PLB1: variants seen among roughly 807,000 people sequenced by gnomAD.
PLB1 encodes the protein phospholipase B1, membrane-associated.
Under a neutral mutation model 227.4 loss-of-function variants are expected in PLB1, and 242 were observed. That is an observed-to-expected ratio of 1.06 (90% CI 0.96 to 1.18). The LOEUF (loss-of-function observed/expected upper bound fraction) is 1.18. Among genes scored for constraint, PLB1 ranks in the 50% most tolerant of loss-of-function variants. The probability of loss-of-function intolerance (pLI) is 0.00; values close to 1 mark genes in which losing one functional copy is unlikely to be tolerated. For missense variants in PLB1, 1,858 were observed against 1,816.3 expected (o/e 1.02, Z -0.42); for synonymous variants, 757 against 682.2 (o/e 1.11, Z -1.71).
rs2148322850 is a variant in PLB1, at chr2:28,617,768, C to T, written c.3237C>T (p.Ser1079=). The T allele has an allele frequency of 6.2e-7, 1 of 1,614,048 alleles. No individual in the cohort carries two copies. Among genetic ancestry groups the T allele is most frequent in the Non-Finnish European group, 8.5e-7 (1 of 1,179,924 alleles). Residue 1079 remains serine, a synonymous_variant, in exon 45 of 58, where the codon TCC becomes TCT. Coordinates refer to ENST00000327757, the MANE Select transcript of PLB1 (RefSeq NM_153021.5). ...SDFLCTEWKA[S]NSVPTSVHQL... Reference sequence around the variant, plus strand: ...TCCTGTGTACAGAGTGGAAGGCTTCCAATAGTGTTCCAACCTCTGGTGAGT... The same window carrying T: ...TCCTGTGTACAGAGTGGAAGGCTTCTAATAGTGTTCCAACCTCTGGTGAGT...
At position 28,541,711 on chromosome 2, in the gene PLB1, C is replaced by T. The variant is rs1182511073; in HGVS notation, c.779C>T (p.Ala260Val). Residue 260 changes from alanine (A) to valine (V), a missense_variant, in exon 13 of 58, where the codon GCC becomes GTC. Ala to Val is a moderately conservative substitution (Grantham distance 64, BLOSUM62 0). Coordinates refer to ENST00000327757, the MANE Select transcript of PLB1 (RefSeq NM_153021.5). ...KVVMQWSYQEAWNSLLASSRY... is the reference protein window; with the variant it reads ...KVVMQWSYQEVWNSLLASSRY... The stretch of plus-strand genomic sequence containing the variant: ...CCTCTCTGCTCCCTTCTCCAGGAAG[C>T]CTGGAACAGCCTCCTGGCCTCCAGC... 6.2e-6 allele frequency: 10 copies of T among 1,613,544 alleles called. No individual in the cohort carries two copies. The Admixed American group carries it at 1.3e-4, about 22-fold the overall frequency.
At chr2:28,602,757 G>A in intron 38 of PLB1, 64 bp from the exon 39 acceptor site, 1 of 1,415,474 alleles carries the variant, frequency 7.1e-7, no homozygotes. Flanking sequence ...ATTCCTAGGG[G>A]CCCTGAGACA....
chr2:28,592,443 C>G (rs1682126312), intron 31 of PLB1, among the ~76,000 whole-genome samples: 1 of 151,944 alleles, frequency 6.6e-6, no homozygotes, highest in African/African-American at 2.4e-5. Flanking sequence ...CCTTCTCCCT[C>G]TCTGCACCTC....
chr2:28,624,307 G>A (rs1031305564), intron 49 of PLB1, among the ~76,000 whole-genome samples: 1 of 152,028 alleles, frequency 6.6e-6, no homozygotes, highest in African/African-American at 2.4e-5. Flanking sequence ...ATATAAATGG[G>A]ATCAAAGAGT....
intron 28 of PLB1, 63 bp from the exon 29 acceptor site, chr2:28,589,942 G>T: frequency 6.7e-7 from 1 of 1,503,746 alleles, no homozygotes. Context: ...CCTGACCTGC[G>T]TCCTGAGCTT....
At chr2:28,566,901 C>G in intron 20 of PLB1, 62 bp downstream of exon 20, 1 of 1,590,982 alleles carries the variant, frequency 6.3e-7, no homozygotes, top group South Asian at 1.1e-5. Context: ...CTTCCCGCTC[C>G]CCCTGCAGGT....
intron 1 of PLB1, among the ~76,000 whole-genome samples, chr2:28,503,976 A>G (rs546494787): frequency 6.6e-6 from 1 of 152,302 alleles, no homozygotes; most frequent in Admixed American, 6.5e-5. Context: ...ACCATCGTCT[A>G]TATTGTATGT....
At chr2:28,507,938 C>A (rs565231919) in intron 1 of PLB1, among the ~76,000 whole-genome samples, 2 of 152,288 alleles carry the variant, frequency 1.3e-5, no homozygotes, top group East Asian at 3.9e-4. Flanking sequence ...GAGGTTGTGT[C>A]TACCCAAAGG....
chr2:28,604,115 C>T, intron 40 of PLB1, 68 bp downstream of exon 40: 2 of 1,442,366 alleles, frequency 1.4e-6, no homozygotes, highest in Admixed American at 1.7e-5. Context: ...AGCCCAGAGC[C>T]CCTAGAGGAG....
At chr2:28,619,577 A>T (rs578019998) in intron 46 of PLB1, among the ~76,000 whole-genome samples, 76 of 143,630 alleles carry the variant, frequency 5.3e-4, no homozygotes, top group African/African-American at 2.0e-3. Flanking sequence ...TATAGAGGAG[A>T]TAGGAACTGA....
At position 28,588,391 on chromosome 2, in the gene PLB1, C is replaced by T. The variant is rs924112205; in HGVS notation, c.1816-1059C>T. On this transcript the variant is annotated intron_variant, in intron 26 of 57. Coordinates refer to ENST00000327757, the MANE Select transcript of PLB1 (RefSeq NM_153021.5). ...CACTTCCTTCCCCTCTTCTGAGAGA[C>T]GACCTTCTCTCCTTTCCTCATGCCT... Among the ~76,000 whole-genome samples the T allele has an allele frequency of 1.1e-4, 16 of 152,308 alleles. No individual in the cohort carries two copies. The East Asian group carries it at 1.7e-3, about 17-fold the overall frequency.
chr2:28,639,729 T>C (rs1313452351), intron 56 of PLB1, among the ~76,000 whole-genome samples: 1 of 152,240 alleles, frequency 6.6e-6, no homozygotes, highest in East Asian at 1.9e-4. Context: ...TAGCATTTAT[T>C]CTGTCACTGT....
At chr2:28,576,975 C>T (rs1051694304) in intron 21 of PLB1, among the ~76,000 whole-genome samples, 2 of 152,138 alleles carry the variant, frequency 1.3e-5, no homozygotes, top group Non-Finnish European at 2.9e-5. Context: ...AAGCCCTGTG[C>T]CAGGGACTTT....
chr2:28,578,803 T>C (rs1679433171), intron 22 of PLB1, among the ~76,000 whole-genome samples: 1 of 152,164 alleles, frequency 6.6e-6, no homozygotes, highest in African/African-American at 2.4e-5. Context: ...TCAAAGTCTA[T>C]TATTGGGAGG....
At chr2:28,519,602 C>G in intron 3 of PLB1, 103 bp from the exon 4 acceptor site, 1 of 863,132 alleles carries the variant, frequency 1.2e-6, no homozygotes, top group South Asian at 1.5e-5. Flanking sequence ...CCGCAGCTGT[C>G]CAGGGGCTGG....
intron 56 of PLB1, among the ~76,000 whole-genome samples, chr2:28,635,875 T>C (rs1689237126): frequency 6.6e-6 from 1 of 152,238 alleles, no homozygotes; most frequent in Non-Finnish European, 1.5e-5. Context: ...TCTCCCCAGG[T>C]GCTGGGTGAC....
intron 21 of PLB1, among the ~76,000 whole-genome samples, chr2:28,575,105 C>T (rs530212220): frequency 2.0e-5 from 3 of 152,180 alleles, no homozygotes; most frequent in South Asian, 2.1e-4. Context: ...TTTTCCATGG[C>T]GGTTGTACTA....
chr2:28,639,466 G>A (rs1319284608), intron 56 of PLB1, among the ~76,000 whole-genome samples: 9 of 152,234 alleles, frequency 5.9e-5, no homozygotes, highest in African/African-American at 2.2e-4. Flanking sequence ...ATTAGGAAGT[G>A]CTGCCAGCAC....
At chr2:28,578,035 T>G in intron 21 of PLB1, 72 bp from the exon 22 acceptor site, 2 of 1,457,358 alleles carry the variant, frequency 1.4e-6, no homozygotes, top group South Asian at 1.1e-5. Context: ...TACATTTGAT[T>G]GCTGTTCTCT....
Sources: allele counts gnomAD v4.1 joint callset (sites outside exome capture counted in the v4.1 genomes callset), GRCh38; gene constraint gnomAD v4.1.1; transcripts MANE v1.5; gene names NCBI Gene and HGNC (gene_info 2026-07-23, HGNC 2026-07-21).